The following ASB3 variants were observed in gnomAD, a reference collection of about 807,000 sequenced individuals.
ASB3 encodes the protein ankyrin repeat and SOCS box protein 3.
Under a neutral mutation model 54.5 loss-of-function variants are expected in ASB3, and 41 were observed. That is an observed-to-expected ratio of 0.75 (90% CI 0.59 to 0.98). The LOEUF (loss-of-function observed/expected upper bound fraction) is 0.98, where lower values mean the gene tolerates loss of function less well. Among genes scored for constraint, ASB3 ranks in the 50% least tolerant of loss-of-function variants. The pLI is 0.00. For synonymous variants in ASB3, 266 were observed against 221.2 expected (o/e 1.20, Z -1.80); for missense variants, 733 against 620.0 (o/e 1.18, Z -1.94).
chr2:53,678,238 C>T (rs1012110689), intron 9 of ASB3, among the ~76,000 whole-genome samples: 1 of 152,060 alleles, frequency 6.6e-6, no homozygotes, highest in African/African-American at 2.4e-5. Flanking sequence ...TTCTCATGAT[C>T]TCTAGAACTT....
At position 53,772,895 on chromosome 2, in the gene ASB3, G is replaced by A. The variant is rs541372640; in HGVS notation, c.-13-7310C>T. On this transcript the variant is annotated intron_variant, in intron 1 of 9. Coordinates refer to ENST00000263634, the MANE Select transcript of ASB3 (RefSeq NM_016115.5). ...CTCCACCCTCCCGTAGACCCCAGTA[G>A]AACCTGTGATTTTAAAACTGGTTTG... Among the ~76,000 whole-genome samples, 184 of 151,814 alleles carry A rather than the reference G, an allele frequency of 1.2e-3. 1 individual carries two copies. Among genetic ancestry groups the A allele is most frequent in the Middle Eastern group, 3.2e-3 (1 of 314 alleles).
intron 2 of ASB3, among the ~76,000 whole-genome samples, chr2:53,753,021 G>C (rs1672607766): frequency 6.6e-6 from 1 of 151,896 alleles, no homozygotes; most frequent in Non-Finnish European, 1.5e-5. Context: ...ACAGCAGAAA[G>C]AGTGAACCTT....
At chr2:53,733,148 T>A (rs1379792116) in intron 3 of ASB3, among the ~76,000 whole-genome samples, 2 of 152,136 alleles carry the variant, frequency 1.3e-5, no homozygotes, top group Non-Finnish European at 2.9e-5. Context: ...ATAGTGGGAA[T>A]ACAGATGAAA....
At chr2:53,744,137 G>A (rs1415676049) in intron 3 of ASB3, among the ~76,000 whole-genome samples, 3 of 151,920 alleles carry the variant, frequency 2.0e-5, no homozygotes, top group Non-Finnish European at 4.4e-5. Context: ...AGCACTTTGG[G>A]AAGCCGAGGC....
intron 1 of ASB3, chr2:53,768,009 G>C (rs577589136): frequency 1.2e-6 from 2 of 1,613,560 alleles, no homozygotes; most frequent in South Asian, 2.2e-5. Flanking sequence ...ACCACCGCGG[G>C]GTCCCCGGCA....
chr2:53,765,418 T>C lies in ASB3; in HGVS notation c.155A>G (p.Tyr52Cys). Reference protein sequence around the residue: ...RGWMPIHEAAYHNSVECLQML... With the variant: ...RGWMPIHEAACHNSVECLQML... ...TTGCAAACATTCTACAGAGTTGTGA[T>C]AAGCTGCTTCATGAATTGGCATCCA... Residue 52 changes from tyrosine (Y) to cysteine (C), a missense_variant, in exon 2 of 10, where the codon TAT becomes TGT. Coordinates refer to ENST00000263634, the MANE Select transcript of ASB3 (RefSeq NM_016115.5). The C allele has an allele frequency of 6.2e-7, 1 of 1,614,252 alleles. No homozygotes were observed. Among genetic ancestry groups the C allele is most frequent in the Non-Finnish European group, 8.5e-7 (1 of 1,180,034 alleles).
Position 53,700,424 on chromosome 2 carries a change from C to G in ASB3, c.1085G>C (p.Arg362Pro), listed in dbSNP as rs777013901. The G allele has an allele frequency of 9.8e-5, 158 of 1,613,874 alleles. No individual in the cohort carries two copies. Among genetic ancestry groups the G allele is most frequent in the Non-Finnish European group, 1.1e-4 (134 of 1,179,982 alleles). Residue 362 changes from arginine to proline, a missense_variant, in exon 8 of 10, where the codon CGC becomes CCC. Physicochemically the swap from Arg to Pro is moderately radical, Grantham distance 103. Coordinates refer to ENST00000263634, the MANE Select transcript of ASB3 (RefSeq NM_016115.5). Reference sequence around the variant, plus strand: ...TGAGCAACCTTTCCTCAAAAAGTAGCGAAATATCGAAAACTTCTCGTACTT... The same window carrying G: ...TGAGCAACCTTTCCTCAAAAAGTAGGGAAATATCGAAAACTTCTCGTACTT... ...CLKYEKFSIF[R>P]YFLRKGCSLG... is the part of the protein sequence containing the mutation.
At chr2:53,694,101 C>CA (rs765541859) in intron 8 of ASB3, 87 bp from the exon 9 acceptor site, 3 of 1,477,384 alleles carry the variant, frequency 2.0e-6, no homozygotes, top group Admixed American at 2.1e-5. Context: ...CCTATTCTTA[C>CA]AAAATCTCAA....
At chr2:53,674,404 G>C (rs1218897807) in intron 9 of ASB3, among the ~76,000 whole-genome samples, 1 of 151,954 alleles carries the variant, frequency 6.6e-6, no homozygotes, top group Non-Finnish European at 1.5e-5. Context: ...TGTTCATTTT[G>C]TTATATGTAC....
At chr2:53,759,299 A>G (rs1673008896) in intron 2 of ASB3, among the ~76,000 whole-genome samples, 1 of 152,236 alleles carries the variant, frequency 6.6e-6, no homozygotes, top group African/African-American at 2.4e-5. Context: ...GAATTATTCA[A>G]TGATGTCCAC....
At chr2:53,688,359 A>G (rs562345174) in intron 9 of ASB3, among the ~76,000 whole-genome samples, 2 of 152,318 alleles carry the variant, frequency 1.3e-5, no homozygotes, top group African/African-American at 4.8e-5. Flanking sequence ...CATCTCAAAC[A>G]TGAGCTTTCA....
intron 1 of ASB3, among the ~76,000 whole-genome samples, chr2:53,785,609 G>A (rs1391108935): frequency 6.6e-6 from 1 of 152,230 alleles, no homozygotes; most frequent in East Asian, 1.9e-4. Flanking sequence ...TTGGAAGGCC[G>A]AGGAGGGCGG....
intron 9 of ASB3, among the ~76,000 whole-genome samples, chr2:53,689,901 A>G (rs1668818277): frequency 6.6e-6 from 1 of 152,156 alleles, no homozygotes; most frequent in African/African-American, 2.4e-5. Context: ...CTTCTTAGGT[A>G]GTATAACTTT....
At chr2:53,697,689 T>C (rs1261931947) in intron 8 of ASB3, among the ~76,000 whole-genome samples, 1 of 152,090 alleles carries the variant, frequency 6.6e-6, no homozygotes, top group Non-Finnish European at 1.5e-5. Context: ...GGGAGACATA[T>C]CCAAGAAGCA....
chr2:53,676,132 C>A (rs1201257679), intron 9 of ASB3, among the ~76,000 whole-genome samples: 2 of 152,172 alleles, frequency 1.3e-5, no homozygotes, highest in African/African-American at 4.8e-5. Context: ...GTATCACAGA[C>A]AATGAGCAAA....
chr2:53,759,961 C>G (rs1426573164), intron 2 of ASB3, among the ~76,000 whole-genome samples: 3 of 152,200 alleles, frequency 2.0e-5, no homozygotes, highest in Non-Finnish European at 4.4e-5. Context: ...ACTGGCGCAG[C>G]TGTCTCAGTC....
rs764897074 is a variant in ASB3 at position 53,714,438 on chromosome 2, T to C, written c.926A>G (p.Gln309Arg). The change falls in exon 7 of 10, where the codon CAG becomes CGG. Residue 309 changes from glutamine (Q) to arginine (R), a missense_variant. Gln to Arg is a conservative substitution (Grantham distance 43, BLOSUM62 1). Coordinates refer to ENST00000263634, the MANE Select transcript of ASB3 (RefSeq NM_016115.5). ...ACTGAATCCAAAAACAAGGCACGCC[T>C]GGGCGTCTGGGCTGTAGCCATTCCG... Reference protein sequence around the residue: ...LLRNGYSPDAQACLVFGFSSP... With the variant: ...LLRNGYSPDARACLVFGFSSP... 10 of 1,614,128 alleles carry C rather than the reference T, an allele frequency of 6.2e-6. 1 individual carries two copies. The South Asian group carries it at 6.6e-5, about 11-fold the overall frequency.
At chr2:53,782,617 A>G (rs560427107) in intron 1 of ASB3, among the ~76,000 whole-genome samples, 2 of 152,284 alleles carry the variant, frequency 1.3e-5, no homozygotes, top group Admixed American at 6.5e-5. Flanking sequence ...TTAATTTAAC[A>G]GTCTACCCTG....
chr2:53,756,767 C>T (rs1672851925), intron 2 of ASB3: 1 of 153,144 alleles, frequency 6.5e-6, no homozygotes. Flanking sequence ...CCGTCCACCA[C>T]TGCTGATCAC....
Sources: allele counts gnomAD v4.1 joint callset (sites outside exome capture counted in the v4.1 genomes callset), GRCh38; gene constraint gnomAD v4.1.1; transcripts MANE v1.5; gene names NCBI Gene and HGNC (gene_info 2026-07-23, HGNC 2026-07-21).